Variants in AGO3 observed in about 807,000 individuals in gnomAD.
The protein encoded by AGO3 is argonaute RISC catalytic component 3.
In AGO3, 16 loss-of-function variants were observed where a neutral mutation model predicts 105.5. That is an observed-to-expected ratio of 0.15 (90% CI 0.10 to 0.23). The LOEUF (loss-of-function observed/expected upper bound fraction) is 0.23. Ranked by LOEUF, AGO3 falls within the 10% of genes least tolerant of loss-of-function variation. The pLI is 1.00. For synonymous variants in AGO3, 340 were observed against 367.3 expected (o/e 0.93, Z 0.85); for missense variants, 534 against 1,088.0 (o/e 0.49, Z 7.16).
chr1:35,967,341 A>G (rs1026715553), intron 3 of AGO3, among the ~76,000 whole-genome samples: 1 of 151,916 alleles, frequency 6.6e-6, no homozygotes, highest in African/African-American at 2.4e-5. Context: ...TTGTACATAC[A>G]TACTTATTTT....
chr1:35,945,861 C>T lies in AGO3; in HGVS notation c.189C>T (p.Asn63=), dbSNP rs1309232835. ...IKPDKCPRRV[N]REVVDSMVQH... is the part of the protein sequence containing the mutation. ...CAGACAAGTGTCCTAGGAGAGTGAA[C>T]AGGTAAGAATCATGAAACTGCAAAG... is the stretch of plus-strand genomic sequence containing the variant. The change falls in exon 2 of 19, where the codon AAC becomes AAT. Residue 63 remains asparagine (N), a splice_region_variant and synonymous_variant. Coordinates refer to ENST00000373191, the MANE Select transcript of AGO3 (RefSeq NM_024852.4). 2 of 1,611,972 alleles carry T rather than the reference C, an allele frequency of 1.2e-6. No homozygotes were observed. Among genetic ancestry groups the T allele is most frequent in the Non-Finnish European group, 1.7e-6 (2 of 1,178,984 alleles).
chr1:35,952,148 CTTTTTTT>C (rs869309731), intron 2 of AGO3, among the ~76,000 whole-genome samples: 5 of 18,040 alleles, frequency 2.8e-4, no homozygotes, highest in Non-Finnish European at 6.5e-4. Flanking sequence ...TTCTTTCTTT[CTTTTTTT>C]TTTTTTTTTT....
At chr1:36,034,472 G>C (rs1420171831) in intron 13 of AGO3, 139 bp downstream of exon 13, 2 of 577,546 alleles carry the variant, frequency 3.5e-6, no homozygotes, top group African/African-American at 3.9e-5. Flanking sequence ...AGACATTTTG[G>C]TAAAAAAATA....
rs1177721112 is a variant in AGO3, at chr1:36,067,884, A to G, written c.*12139A>G. ...TTAGAGGCAGTTGATATAGAATTCT[A>G]CTGGGGGTAAATGACACTCTCAAAA... On this transcript the variant is annotated 3_prime_UTR_variant, in exon 19 of 19. Transcript: ENST00000373191. The G allele has an allele frequency of 2.6e-5, 4 of 152,116 alleles. No individual in the cohort carries two copies. The highest frequency in any genetic ancestry group is 9.7e-5 in the African/African-American group (4 of 41,434). 9.4% of individuals were successfully genotyped at this position (152,116 alleles called of 1,614,324 possible).
intron 2 of AGO3, among the ~76,000 whole-genome samples, chr1:35,948,644 A>G (rs1282519331): frequency 1.3e-5 from 2 of 152,198 alleles, no homozygotes; most frequent in African/African-American, 2.4e-5. Flanking sequence ...GTAATTATAT[A>G]TGTGTATATA....
At chr1:35,946,479 T>C (rs571259598) in intron 2 of AGO3, among the ~76,000 whole-genome samples, 6 of 152,342 alleles carry the variant, frequency 3.9e-5, no homozygotes, top group African/African-American at 1.2e-4. Context: ...ATACTATGTC[T>C]ATTTGGATTT....
At position 36,061,386 on chromosome 1, in the gene AGO3, A is replaced by G. The variant is rs1643025422; in HGVS notation, c.*5641A>G. The G allele has an allele frequency of 1.3e-5, 2 of 152,218 alleles. No individual in the cohort carries two copies. The highest frequency in any genetic ancestry group is 4.8e-5 in the African/African-American group (2 of 41,454). 9.4% of individuals were successfully genotyped at this position (152,218 alleles called of 1,614,324 possible). ...TATTACCTACTACTCATTGAAATTTATATTACTTTACCCATCAAAACTAGT... is the reference window on the plus strand; with the variant it reads ...TATTACCTACTACTCATTGAAATTTGTATTACTTTACCCATCAAAACTAGT... On this transcript the variant is annotated 3_prime_UTR_variant, in exon 19 of 19. Transcript: ENST00000373191.
intron 11 of AGO3, among the ~76,000 whole-genome samples, chr1:36,022,208 G>A (rs546106206): frequency 1.5e-3 from 221 of 151,914 alleles, no homozygotes; most frequent in African/African-American, 5.0e-3. Flanking sequence ...GGGACCACAG[G>A]GACTTGCCAC....
chr1:36,040,760 C>A (rs1642210537), intron 16 of AGO3, among the ~76,000 whole-genome samples: 1 of 151,980 alleles, frequency 6.6e-6, no homozygotes, highest in Non-Finnish European at 1.5e-5. Context: ...ATATCTCATA[C>A]AAATTAGTTT....
chr1:36,025,349 A>G (rs114916131), intron 11 of AGO3, among the ~76,000 whole-genome samples: 1 of 151,934 alleles, frequency 6.6e-6, no homozygotes, highest in Non-Finnish European at 1.5e-5. Flanking sequence ...TTTCAAGTGA[A>G]ATGTCACAAG....
intron 11 of AGO3, among the ~76,000 whole-genome samples, chr1:36,016,980 G>C (rs1569802665): frequency 6.6e-6 from 1 of 152,200 alleles, no homozygotes; most frequent in East Asian, 1.9e-4. Flanking sequence ...TCCTCACTTA[G>C]GTAAGAGTGT....
intron 12 of AGO3, among the ~76,000 whole-genome samples, chr1:36,028,391 T>TCCCCCCCCCCCC (rs771926822): frequency 3.5e-5 from 2 of 57,178 alleles, no homozygotes; most frequent in African/African-American, 1.4e-4. Context: ...ATGCTATCCC[T>TCCCCCCCCCCCC]CCCCCCCCCC....
chr1:35,965,246 C>T (rs1196024064), intron 2 of AGO3, among the ~76,000 whole-genome samples: 1 of 151,978 alleles, frequency 6.6e-6, no homozygotes, highest in East Asian at 1.9e-4. Flanking sequence ...AATCCCAGCA[C>T]TTTAGGAGGC....
intron 3 of AGO3, among the ~76,000 whole-genome samples, chr1:35,970,752 C>A (rs188102947): frequency 1.7e-4 from 25 of 151,430 alleles, no homozygotes; most frequent in African/African-American, 6.1e-4. Flanking sequence ...TTTATTTAGA[C>A]AGGGTCTTGC....
intron 11 of AGO3, among the ~76,000 whole-genome samples, chr1:36,018,696 G>T (rs887193276): frequency 6.6e-6 from 1 of 152,162 alleles, no homozygotes; most frequent in Non-Finnish European, 1.5e-5. Context: ...CTCCCAAAGT[G>T]CTGGGATTAC....
At chr1:35,964,636 A>G (rs1206496134) in intron 2 of AGO3, among the ~76,000 whole-genome samples, 1 of 152,206 alleles carries the variant, frequency 6.6e-6, no homozygotes. Context: ...CTTTGGATAT[A>G]TACCTAGTAA....
intron 14 of AGO3, among the ~76,000 whole-genome samples, chr1:36,036,726 A>T (rs1391926506): frequency 6.6e-6 from 1 of 151,966 alleles, no homozygotes. Context: ...AGACAAAGTT[A>T]TCTTGTTGCC....
chr1:36,000,050 C>A (rs1292892845), intron 5 of AGO3, among the ~76,000 whole-genome samples: 1 of 152,054 alleles, frequency 6.6e-6, no homozygotes, highest in African/African-American at 2.4e-5. Flanking sequence ...TTATCAAATG[C>A]TTGCTTTTTG....
chr1:35,958,251 C>G (rs747749645), intron 2 of AGO3, among the ~76,000 whole-genome samples: 3 of 151,482 alleles, frequency 2.0e-5, no homozygotes, highest in Admixed American at 1.3e-4. Flanking sequence ...CATGGTGGTG[C>G]GCGTTTGTAA....
Sources: gnomAD v4.1 joint callset for allele counts (sites outside exome capture counted in the v4.1 genomes callset) on GRCh38, gnomAD v4.1.1 for gene constraint, MANE v1.5 for transcripts, NCBI Gene and HGNC (gene_info 2026-07-23, HGNC 2026-07-21) for gene names.